PPP1CB: variants seen among roughly 807,000 people sequenced by gnomAD.
PPP1CB encodes the protein protein phosphatase 1 catalytic subunit beta, also known as serine/threonine-protein phosphatase PP1-beta catalytic subunit.
PPP1CB carries 2 observed loss-of-function variants against 43.7 expected under a neutral mutation model. The observed-to-expected ratio is 0.05, with a 90% CI of 0.02 to 0.14. The LOEUF (loss-of-function observed/expected upper bound fraction) is 0.14, where lower values mean the gene tolerates loss of function less well. Ranked by LOEUF, PPP1CB falls within the 10% of genes least tolerant of loss-of-function variation. The probability of loss-of-function intolerance (pLI) is 1.00; values close to 1 mark genes in which losing one functional copy is unlikely to be tolerated. For synonymous variants in PPP1CB, 136 were observed against 135.6 expected, an observed-to-expected ratio of 1.00 and a Z score of -0.02; for missense variants, 84 against 398.0, an observed-to-expected ratio of 0.21 and a Z score of 6.71.
At chr2:28,755,602 C>T (rs916238277) in intron 1 of PPP1CB, among the ~76,000 whole-genome samples, 2 of 152,070 alleles carry the variant, frequency 1.3e-5, no homozygotes, top group Non-Finnish European at 2.9e-5. Context: ...CTGGAAAATC[C>T]GGTAAAAGCT....
chr2:28,802,352 G>A lies in PPP1CB; in HGVS notation c.*3049G>A, dbSNP rs1003832380. 3.9e-5 allele frequency: 6 copies of A among 152,076 alleles called. No individual in the cohort carries two copies. The highest frequency in any genetic ancestry group is 5.9e-5 in the Non-Finnish European group (4 of 68,004). The allele number at this position is 152,076 out of a possible 1,614,324, so 9.4% of individuals were successfully genotyped here. A position where few individuals can be genotyped will look rare whatever the true frequency, so the allele number is the denominator to read the frequency against. On this transcript the variant is annotated 3_prime_UTR_variant, in exon 8 of 8. Transcript: ENST00000395366. Reference sequence around the variant, plus strand: ...TTATGCTGAAAATGTGTTTAGATTAGGAATATGGTCGGGCTGAATTTGCTG... The same window carrying A: ...TTATGCTGAAAATGTGTTTAGATTAAGAATATGGTCGGGCTGAATTTGCTG...
At chr2:28,779,477 ATGTC>A (rs1667104249) in intron 3 of PPP1CB, among the ~76,000 whole-genome samples, 1 of 152,182 alleles carries the variant, frequency 6.6e-6, no homozygotes, top group African/African-American at 2.4e-5. Flanking sequence ...ATTTAAATCT[ATGTC>A]TGTAAACCTT....
At chr2:28,773,626 C>G (rs1047375157) in intron 1 of PPP1CB, among the ~76,000 whole-genome samples, 2 of 152,064 alleles carry the variant, frequency 1.3e-5, no homozygotes, top group Non-Finnish European at 2.9e-5. Flanking sequence ...GCTGTGATAG[C>G]AGTCTAGTTG....
chr2:28,756,032 T>C (rs1666481646), intron 1 of PPP1CB, among the ~76,000 whole-genome samples: 1 of 152,264 alleles, frequency 6.6e-6, no homozygotes, highest in Admixed American at 6.5e-5. Context: ...CTTAACATAC[T>C]TTGTAAAATT....
Position 28,799,386 on chromosome 2 carries a change from G to A in PPP1CB, c.*83G>A, listed in dbSNP as rs1325304686. ...TAAGTGTGCACTGTAAAACCATCCAGCCATTTGACACCCTTTATGATGTCA... is the reference window on the plus strand; with the variant it reads ...TAAGTGTGCACTGTAAAACCATCCAACCATTTGACACCCTTTATGATGTCA... On this transcript the variant is annotated 3_prime_UTR_variant, in exon 8 of 8. Coordinates refer to ENST00000395366, the MANE Select transcript of PPP1CB (RefSeq NM_002709.3). 9.2e-7 allele frequency: 1 copy of A among 1,086,474 alleles called. No individual in the cohort carries two copies. Among genetic ancestry groups the A allele is most frequent in the East Asian group, 2.6e-5 (1 of 39,076 alleles). 67.3% of individuals were successfully genotyped at this position (1,086,474 alleles called of 1,614,324 possible). A position where few individuals can be genotyped will look rare whatever the true frequency, so the allele number is the denominator to read the frequency against.
chr2:28,793,719 A>G, intron 6 of PPP1CB, 144 bp from the exon 7 acceptor site: 1 of 798,532 alleles, frequency 1.3e-6, no homozygotes, highest in Admixed American at 3.2e-5. Context: ...AAGTTTAAGA[A>G]TAAAAATCAC....
At chr2:28,770,739 C>T (rs968075633) in intron 1 of PPP1CB, among the ~76,000 whole-genome samples, 6 of 151,968 alleles carry the variant, frequency 3.9e-5, no homozygotes, top group Admixed American at 1.3e-4. Flanking sequence ...ACCTACTTGG[C>T]GGACATAGAA....
At chr2:28,774,654 G>A (rs1666994535) in intron 1 of PPP1CB, among the ~76,000 whole-genome samples, 1 of 152,114 alleles carries the variant, frequency 6.6e-6, no homozygotes, top group African/African-American at 2.4e-5. Flanking sequence ...TCAAACTCCT[G>A]ACCTCAGGTG....
At chr2:28,765,545 G>GA (rs911562645) in intron 1 of PPP1CB, among the ~76,000 whole-genome samples, 9 of 152,152 alleles carry the variant, frequency 5.9e-5, no homozygotes, top group African/African-American at 9.7e-5. Context: ...GTTTGAGTTT[G>GA]AAAAAATGTA....
chr2:28,779,072 C>T, intron 3 of PPP1CB, 33 bp downstream of exon 3: 1 of 1,434,334 alleles, frequency 7.0e-7, no homozygotes, highest in Non-Finnish European at 9.6e-7. Flanking sequence ...AAAAGTAATT[C>T]ATGGAAACAT....
chr2:28,779,089 ATAAT>A, intron 3 of PPP1CB, 50 bp downstream of exon 3: 1 of 1,378,998 alleles, frequency 7.3e-7, no homozygotes, highest in Non-Finnish European at 1.0e-6. Flanking sequence ...ACATTGCCTA[ATAAT>A]TTTCTGGTTC....
intron 3 of PPP1CB, among the ~76,000 whole-genome samples, chr2:28,780,084 C>CTTTTTTTTTTTTTTTTTTTTTTT (rs10559224): frequency 2.3e-5 from 3 of 131,796 alleles, no homozygotes; most frequent in East Asian, 2.5e-4. Context: ...TCTTTTCTTT[C>CTTTTTTTTTTTTTTTTTTTTTTT]TTTTTTTTTT....
At chr2:28,792,832 A>G (rs182735915) in intron 6 of PPP1CB, among the ~76,000 whole-genome samples, 66 of 152,334 alleles carry the variant, frequency 4.3e-4, no homozygotes, top group African/African-American at 1.5e-3. Flanking sequence ...ATATTTACAT[A>G]TTATTGTGTT....
At chr2:28,794,535 A>C (rs1054732886) in intron 7 of PPP1CB, among the ~76,000 whole-genome samples, 18 of 151,932 alleles carry the variant, frequency 1.2e-4, no homozygotes, top group African/African-American at 3.9e-4. Flanking sequence ...CTAAAAATAC[A>C]AAAAAATTAG....
intron 1 of PPP1CB, among the ~76,000 whole-genome samples, chr2:28,758,676 G>A (rs1432860573): frequency 3.3e-5 from 5 of 152,196 alleles, no homozygotes; most frequent in Non-Finnish European, 7.3e-5. Flanking sequence ...GAAAAAGGGC[G>A]GGGGCAGTTG....
At chr2:28,760,768 T>C (rs778305013) in intron 1 of PPP1CB, among the ~76,000 whole-genome samples, 12 of 152,242 alleles carry the variant, frequency 7.9e-5, no homozygotes, top group Non-Finnish European at 1.3e-4. Flanking sequence ...AATCACGTAT[T>C]TTAAAACTTT....
At chr2:28,769,741 C>T (rs6706858) in intron 1 of PPP1CB, among the ~76,000 whole-genome samples, 4 of 151,774 alleles carry the variant, frequency 2.6e-5, no homozygotes, top group African/African-American at 9.7e-5. Flanking sequence ...AGGCTGGAGG[C>T]GGGTGGTAAT....
rs1270847152 is a variant in PPP1CB at position 28,752,184 on chromosome 2, C to A, written c.52+8C>A. ...TCACCCGGCTGCTGGAGGGTGAGTG[C>A]GCGCCTGGCCGCGGGACAGAGGGAG... On this transcript the variant is annotated splice_region_variant and intron_variant, in intron 1 of 7. Coordinates refer to ENST00000395366, the MANE Select transcript of PPP1CB (RefSeq NM_002709.3). 1 of 1,540,564 alleles carries A rather than the reference C, an allele frequency of 6.5e-7. No homozygotes were observed. The highest frequency in any genetic ancestry group is 8.8e-7 in the Non-Finnish European group (1 of 1,141,420).
chr2:28,789,942 TAAGA>T (rs1667351865), intron 6 of PPP1CB, among the ~76,000 whole-genome samples: 1 of 152,118 alleles, frequency 6.6e-6, no homozygotes, highest in Admixed American at 6.6e-5. Context: ...GCGATTTTGA[TAAGA>T]GCAAACCACA....
Sources: gnomAD v4.1 joint callset for allele counts (sites outside exome capture counted in the v4.1 genomes callset) on GRCh38, gnomAD v4.1.1 for gene constraint, MANE v1.5 for transcripts, NCBI Gene and HGNC (gene_info 2026-07-23, HGNC 2026-07-21) for gene names.